MED24: variants seen among roughly 807,000 people sequenced by gnomAD.
MED24 encodes the protein mediator of RNA polymerase II transcription subunit 24.
MED24 carries 74 observed loss-of-function variants against 118.8 expected under a neutral mutation model. The observed-to-expected ratio is 0.62, with a 90% CI of 0.52 to 0.76. MED24 has a LOEUF of 0.76. Ranked by LOEUF, MED24 falls within the 30% of genes least tolerant of loss-of-function variation. The pLI is 0.00. For synonymous variants in MED24, 521 were observed against 523.9 expected (o/e 0.99, Z 0.08); for missense variants, 1,041 against 1,278.9 (o/e 0.81, Z 2.84).
intron 1 of MED24, 172 bp from the exon 2 acceptor site, chr17:40,053,807 C>T (rs575683279): frequency 2.0e-5 from 16 of 818,912 alleles, no homozygotes; most frequent in Middle Eastern, 3.6e-4. Flanking sequence ...ACTCTCTCCT[C>T]CTGAACCGCC....
At chr17:40,046,618 C>T (rs1374704136) in intron 3 of MED24, among the ~76,000 whole-genome samples, 4 of 148,692 alleles carry the variant, frequency 2.7e-5, no homozygotes, top group African/African-American at 7.3e-5. Flanking sequence ...TAGTGGCGGG[C>T]GCCTGTAGTC....
At position 40,023,365 on chromosome 17, in the gene MED24, G is replaced by T. The variant is rs1275634462; in HGVS notation, c.2016C>A (p.Arg672=). Residue 672 remains arginine, a synonymous_variant, in exon 20 of 26, where the codon CGC becomes CGA. Coordinates refer to ENST00000394128, the MANE Select transcript of MED24 (RefSeq NM_014815.4). ...TCTGCTGCAGCACGTCGGCACACAT[G>T]CGCTCCAGGATCGAGTTCATGATCA... ...RVVIMNSILE[R]MCADVLQQTA... is the part of the protein sequence containing the mutation. The T allele has an allele frequency of 6.2e-7, 1 of 1,608,652 alleles. No individual in the cohort carries two copies. The highest frequency in any genetic ancestry group is 1.1e-5 in the South Asian group (1 of 90,130).
intron 5 of MED24, 124 bp downstream of exon 5, chr17:40,035,598 G>T: frequency 1.0e-6 from 1 of 1,003,534 alleles, no homozygotes; most frequent in Non-Finnish European, 1.5e-6. Context: ...AGTGTAGATG[G>T]GCAGGTGGGG....
chr17:40,053,162 T>C (rs1986024664), intron 3 of MED24, 136 bp downstream of exon 3: 2 of 826,330 alleles, frequency 2.4e-6, no homozygotes, highest in Non-Finnish European at 3.8e-6. Context: ...CTTGAACTCC[T>C]GGGCTCAAGC....
Position 40,033,078 on chromosome 17 carries a change from A to G in MED24, c.800T>C (p.Leu267Pro). The change falls in exon 8 of 26, where the codon CTG becomes CCG. Residue 267 changes from leucine (L) to proline (P), a missense_variant. Leu to Pro is a moderately conservative substitution (Grantham distance 98). Transcript: ENST00000394128. The surrounding 1 kb of genome is among the most constrained non-coding windows in gnomAD (Gnocchi z 5.2). The part of the protein sequence containing the change: ...TGETQSLVEQ[L>P]TMVKRMQHIP... Reference sequence around the variant, plus strand: ...CACCTGCATGCGCTTCACCATCGTCAGCTGCTCCACCAGGGACTGCGTCTC... The same window carrying G: ...CACCTGCATGCGCTTCACCATCGTCGGCTGCTCCACCAGGGACTGCGTCTC... The G allele has an allele frequency of 6.2e-7, 1 of 1,614,066 alleles. No homozygotes were observed. Among genetic ancestry groups the G allele is most frequent in the Non-Finnish European group, 8.5e-7 (1 of 1,180,038 alleles).
intron 3 of MED24, among the ~76,000 whole-genome samples, chr17:40,041,827 A>G (rs893234909): frequency 3.3e-5 from 5 of 152,206 alleles, no homozygotes; most frequent in Non-Finnish European, 1.5e-5. Flanking sequence ...ATTTTGTGCT[A>G]GTATCATTTC....
chr17:40,053,904 G>T (rs559632835), intron 1 of MED24: 1 of 574,672 alleles, frequency 1.7e-6, no homozygotes, highest in African/African-American at 1.9e-5. Flanking sequence ...GCAGAGGCGG[G>T]CGAATCACCG....
At chr17:40,051,956 G>C (rs1985895910) in intron 3 of MED24, among the ~76,000 whole-genome samples, 1 of 151,750 alleles carries the variant, frequency 6.6e-6, no homozygotes, top group South Asian at 2.1e-4. Flanking sequence ...CTTTGTGTTA[G>C]ATGATTTTTC....
At chr17:40,054,031 G>A (rs1024140826) in intron 1 of MED24, 2 of 258,664 alleles carry the variant, frequency 7.7e-6, no homozygotes, top group Non-Finnish European at 7.6e-6. Flanking sequence ...TCGGGAGGCT[G>A]AGGCAGTAGA....
intron 23 of MED24, among the ~76,000 whole-genome samples, chr17:40,021,579 GGGAA>G (rs1490166437): frequency 2.0e-5 from 3 of 152,260 alleles, no homozygotes; most frequent in Non-Finnish European, 4.4e-5. Context: ...CATGTTTTGG[GGGAA>G]GGAAGGAAGG....
Position 40,026,641 on chromosome 17 carries a change from G to A in MED24, c.1809+6C>T, listed in dbSNP as rs199995954. The stretch of plus-strand genomic sequence containing the variant: ...GGAGCAAACGCTGCTGGGAAGGCGG[G>A]GCTACCTGGATGGACTCGAAGGCCA... On this transcript the variant is annotated splice_donor_region_variant and intron_variant, in intron 18 of 25. Coordinates refer to ENST00000394128, the MANE Select transcript of MED24 (RefSeq NM_014815.4). The A allele has an allele frequency of 2.9e-5, 47 of 1,602,672 alleles. No individual in the cohort carries two copies. In the East Asian group the frequency reaches 1.0e-3, roughly 35 times the overall value.
chr17:40,023,224 C>G lies in MED24; in HGVS notation c.2157G>C (p.Leu719=). 6.2e-7 allele frequency: 1 copy of G among 1,614,174 alleles called. No homozygotes were observed. Among genetic ancestry groups the G allele is most frequent in the Non-Finnish European group, 8.5e-7 (1 of 1,180,002 alleles). Residue 719 remains leucine (L), a synonymous_variant, in exon 20 of 26, where the codon CTG becomes CTC. Coordinates refer to ENST00000394128, the MANE Select transcript of MED24 (RefSeq NM_014815.4). ...AGCGGCTGTCCACCCAGCCCTTCTCCAGCACCTTGGCAAAAATGTCCGTCA... is the reference window on the plus strand; with the variant it reads ...AGCGGCTGTCCACCCAGCCCTTCTCGAGCACCTTGGCAAAAATGTCCGTCA... The part of the protein sequence containing the change: ...EVLTDIFAKV[L]EKGWVDSRSI...
rs1229403558 is a variant in MED24 at position 40,026,760 on chromosome 17, G to A, written c.1710-14C>T. The A allele has an allele frequency of 6.2e-6, 10 of 1,611,386 alleles. No homozygotes were observed. The highest frequency in any genetic ancestry group is 8.5e-6 in the Non-Finnish European group (10 of 1,178,794). On this transcript the variant is annotated splice_polypyrimidine_tract_variant and intron_variant, in intron 17 of 25. Transcript: ENST00000394128. ...CACTTCATCTGCCTGCGGGTGTGCA[G>A]AGAAGTCAGCACAGGGGAGCAAGGA...
At chr17:40,029,900 G>A (rs1272433383) in intron 12 of MED24, 41 bp from the exon 13 acceptor site, 2 of 1,579,942 alleles carry the variant, frequency 1.3e-6, no homozygotes, top group African/African-American at 1.3e-5. Flanking sequence ...GAAGAGGAAT[G>A]AAGAGAAATT....
chr17:40,033,409 G>C lies in MED24; in HGVS notation c.607C>G (p.Leu203Val). Residue 203 changes from leucine to valine, a missense_variant, in exon 7 of 26, where the codon CTG (leucine) becomes GTG (valine). Coordinates refer to ENST00000394128, the MANE Select transcript of MED24 (RefSeq NM_014815.4). This position sits in a 1 kb window ranked among gnomAD's most constrained non-coding sequence, Gnocchi z 5.2. ...AGCTGCGGGTTGCTGAGATTGGCCAGGATCTCTCCAAGTTTCAAGAGAGAA... is the reference window on the plus strand; with the variant it reads ...AGCTGCGGGTTGCTGAGATTGGCCACGATCTCTCCAAGTTTCAAGAGAGAA... ...EHSLLKLGEI[L>V]ANLSNPQLRS... 6.2e-7 allele frequency: 1 copy of C among 1,610,350 alleles called. No homozygotes were observed. The highest frequency in any genetic ancestry group is 8.5e-7 in the Non-Finnish European group (1 of 1,178,244).
chr17:40,048,646 C>T (rs562244364), intron 3 of MED24, among the ~76,000 whole-genome samples: 110 of 152,202 alleles, frequency 7.2e-4, no homozygotes, highest in Non-Finnish European at 1.3e-3. Flanking sequence ...CTCCACTTCC[C>T]GGGTTCAAGC....
At chr17:40,036,251 C>A in intron 3 of MED24, 97 bp from the exon 4 acceptor site, 1 of 1,249,828 alleles carries the variant, frequency 8.0e-7, no homozygotes. Context: ...CTCTCCTGAA[C>A]CTCAACCCCT....
At chr17:40,046,571 C>T (rs1266802820) in intron 3 of MED24, among the ~76,000 whole-genome samples, 1 of 148,422 alleles carries the variant, frequency 6.7e-6, no homozygotes. Flanking sequence ...CGGTGAAACC[C>T]CGTCTCTACT....
intron 19 of MED24, among the ~76,000 whole-genome samples, chr17:40,024,892 C>T (rs1982464051): frequency 6.6e-6 from 1 of 152,118 alleles, no homozygotes; most frequent in Admixed American, 6.5e-5. Context: ...CCTGCCACCA[C>T]TCCCTGCTCA....
Sources: gnomAD v4.1 joint callset for allele counts (sites outside exome capture counted in the v4.1 genomes callset) on GRCh38, gnomAD v4.1.1 for gene constraint, Gnocchi (gnomAD v3.1) non-coding constraint, MANE v1.5 for transcripts, NCBI Gene and HGNC (gene_info 2026-07-23, HGNC 2026-07-21) for gene names.